ACACB: variants seen among roughly 807,000 people sequenced by gnomAD.
ACACB encodes acetyl-CoA carboxylase 2.
In ACACB, 209 loss-of-function variants were observed where a neutral mutation model predicts 278.8. The ratio of observed to expected loss-of-function variants is 0.75; its 90% CI spans 0.67 to 0.84. The LOEUF is 0.84. ACACB is among the 40% of genes least tolerant of loss of function. ACACB has a pLI of 0.00. For missense variants in ACACB, 2,850 were observed against 3,269.0 expected (o/e 0.87, Z 3.13); for synonymous variants, 1,174 against 1,285.6 (o/e 0.91, Z 1.86).
At chr12:109,210,710 T>C (rs1159876803) in intron 21 of ACACB, among the ~76,000 whole-genome samples, 1 of 150,564 alleles carries the variant, frequency 6.6e-6, no homozygotes, top group Admixed American at 6.6e-5. Flanking sequence ...AGGTCAGGAG[T>C]TCGAGACCAG....
intron 1 of ACACB, among the ~76,000 whole-genome samples, chr12:109,137,328 C>T (rs1276882619): frequency 1.3e-5 from 2 of 152,122 alleles, no homozygotes; most frequent in Non-Finnish European, 2.9e-5. Flanking sequence ...GAGAACTTTT[C>T]CACTTCCTTT....
At chr12:109,117,783 A>T (rs2042442842) in intron 1 of ACACB, among the ~76,000 whole-genome samples, 1 of 152,196 alleles carries the variant, frequency 6.6e-6, no homozygotes, top group African/African-American at 2.4e-5. Flanking sequence ...AAAGGTGAAG[A>T]TATTATTATT....
intron 11 of ACACB, among the ~76,000 whole-genome samples, chr12:109,181,963 C>T (rs1313933393): frequency 6.6e-6 from 1 of 150,484 alleles, no homozygotes; most frequent in Non-Finnish European, 1.5e-5. Flanking sequence ...CCTGCCTCAG[C>T]CTCCTGAGTA....
intron 13 of ACACB, among the ~76,000 whole-genome samples, chr12:109,189,706 A>G (rs772796359): frequency 4.6e-5 from 7 of 152,212 alleles, no homozygotes; most frequent in African/African-American, 9.6e-5. Context: ...TTCATGGCCT[A>G]TGGATACCCT....
chr12:109,116,861 G>C (rs2042413952), intron 1 of ACACB, among the ~76,000 whole-genome samples, 157 bp downstream of exon 1: 1 of 152,182 alleles, frequency 6.6e-6, no homozygotes, highest in Non-Finnish European at 1.5e-5. Context: ...AAGCTAATCA[G>C]AAGAGCTCGA....
At chr12:109,162,779 G>T (rs1010692339) in intron 2 of ACACB, among the ~76,000 whole-genome samples, 47 of 152,214 alleles carry the variant, frequency 3.1e-4, no homozygotes, top group African/African-American at 1.0e-3. Context: ...CAAAGATACT[G>T]ACTCAGGGGA....
intron 2 of ACACB, among the ~76,000 whole-genome samples, chr12:109,166,127 T>G (rs1316982250): frequency 1.3e-5 from 2 of 151,718 alleles, no homozygotes; most frequent in Non-Finnish European, 2.9e-5. Context: ...AAAAGAAAAC[T>G]TAAAAACTTC....
chr12:109,133,986 A>C (rs1038896776), intron 1 of ACACB, among the ~76,000 whole-genome samples: 2 of 148,448 alleles, frequency 1.3e-5, no homozygotes, highest in Non-Finnish European at 3.0e-5. Context: ...TGGTGCCATC[A>C]TGGCTCACTG....
chr12:109,174,142 T>C lies in ACACB; in HGVS notation c.1128T>C (p.Ser376=). Residue 376 remains serine, a synonymous_variant, in exon 7 of 53, where the codon AGT becomes AGC. Transcript: ENST00000338432. ...TCCCCGATTCCTCAGGCCCTCCCAG[T>C]GAGGCCATGTGGGCCTTAGGAGATA... ...KNGVAFLGPP[S]EAMWALGDKI... is the part of the protein sequence containing the mutation. 6.2e-7 allele frequency: 1 copy of C among 1,611,548 alleles called. No individual in the cohort carries two copies. The highest frequency in any genetic ancestry group is 8.5e-7 in the Non-Finnish European group (1 of 1,179,032).
chr12:109,171,013 A>ATTTTTTTTTTTT, intron 4 of ACACB, among the ~76,000 whole-genome samples: 2 of 106,530 alleles, frequency 1.9e-5, no homozygotes, highest in South Asian at 3.2e-4. Flanking sequence ...CTTTTTTTGG[A>ATTTTTTTTTTTT]TTTTTTTTTT....
intron 11 of ACACB, among the ~76,000 whole-genome samples, chr12:109,184,304 C>T (rs1055304761): frequency 9.9e-5 from 15 of 152,156 alleles, no homozygotes; most frequent in African/African-American, 2.2e-4. Context: ...CAGCCCACCT[C>T]GGCCTCCCAA....
intron 21 of ACACB, among the ~76,000 whole-genome samples, chr12:109,212,311 G>A (rs1016114720): frequency 1.2e-4 from 19 of 152,062 alleles, no homozygotes; most frequent in African/African-American, 4.6e-4. Context: ...TCCACGGACC[G>A]GGGAGGGGGA....
rs116898506 is a variant in ACACB at position 109,207,040 on chromosome 12, C to T, written c.3060+184C>T. Among the ~76,000 whole-genome samples the T allele has an allele frequency of 5.6e-3, 856 of 152,302 alleles. 29 individuals carry two copies. In the East Asian group the frequency reaches 0.092, roughly 16 times the overall value. On this transcript the variant is annotated intron_variant, in intron 20 of 52. Coordinates refer to ENST00000338432, the MANE Select transcript of ACACB (RefSeq NM_001093.4). ...CTGTCACCCAGACTCACTGCAGCCT[C>T]GACCTCCTGGGCTCAAGAGATCCTA...
intron 18 of ACACB, among the ~76,000 whole-genome samples, chr12:109,200,031 CAAAA>C (rs796623006): frequency 1.6e-5 from 1 of 61,460 alleles, no homozygotes. Context: ...GACTCCGTCT[CAAAA>C]AAAAAAAAAA....
At chr12:109,243,548 G>A (rs986425933) in intron 37 of ACACB, among the ~76,000 whole-genome samples, 6 of 152,152 alleles carry the variant, frequency 3.9e-5, no homozygotes, top group African/African-American at 1.4e-4. Context: ...GCAGTGAGCT[G>A]AGATGGCCCC....
chr12:109,239,923 C>T lies in ACACB; in HGVS notation c.4756C>T (p.Arg1586Cys), dbSNP rs752226105. 2.2e-5 allele frequency: 35 copies of T among 1,614,050 alleles called. No homozygotes were observed. The South Asian group carries it at 2.6e-4, about 12-fold the overall frequency. Residue 1586 changes from arginine (R) to cysteine (C), a missense_variant, in exon 35 of 53, where the codon CGC (arginine) becomes TGC (cysteine). Transcript: ENST00000338432. Reference sequence around the variant, plus strand: ...GGTGGCGTTCAATAACACCAGCGTGCGCACCGACTGCAACCACATCTTCCT... The same window carrying T: ...GGTGGCGTTCAATAACACCAGCGTGTGCACCGACTGCAACCACATCTTCCT... ...LEVAFNNTSV[R>C]TDCNHIFLNF...
At chr12:109,238,801 GTGA>G (rs1469045337) in intron 34 of ACACB, among the ~76,000 whole-genome samples, 2 of 151,812 alleles carry the variant, frequency 1.3e-5, no homozygotes, top group Non-Finnish European at 2.9e-5. Flanking sequence ...CCGACCTCAG[GTGA>G]TCTGCCCACT....
chr12:109,227,551 C>G, intron 28 of ACACB, 62 bp downstream of exon 28: 1 of 1,519,646 alleles, frequency 6.6e-7, no homozygotes, highest in South Asian at 1.1e-5. Flanking sequence ...CTCTGTCGTC[C>G]TGTCTCTGGA....
chr12:109,148,779 A>C (rs367550970), intron 2 of ACACB, among the ~76,000 whole-genome samples: 17 of 152,130 alleles, frequency 1.1e-4, no homozygotes, highest in African/African-American at 4.1e-4. Flanking sequence ...TGCTTAGTAA[A>C]TGTGCCTAAT....
Sources: gnomAD v4.1 joint callset for allele counts (sites outside exome capture counted in the v4.1 genomes callset) on GRCh38, gnomAD v4.1.1 for gene constraint, MANE v1.5 for transcripts, NCBI Gene and HGNC (gene_info 2026-07-23, HGNC 2026-07-21) for gene names.